Variants in C12orf75 observed in about 807,000 individuals in gnomAD.
C12orf75 encodes overexpressed in colon carcinoma 1 protein.
A neutral mutation model predicts 11.4 loss-of-function variants in C12orf75; 4 were observed. The observed-to-expected ratio is 0.35, with a 90% CI of 0.17 to 0.80. C12orf75 has a LOEUF of 0.80. Ranked by LOEUF, C12orf75 falls within the 30% of genes least tolerant of loss-of-function variation. The pLI, the probability that C12orf75 is intolerant of heterozygous loss-of-function variation, is 0.52. For missense variants in C12orf75, 89 were observed against 80.4 expected (o/e 1.11, Z -0.41); for synonymous variants, 30 against 30.0 (o/e 1.00, Z 0.00).
chr12:105,351,835 G>A (rs1764563752), intron 2 of C12orf75, among the ~76,000 whole-genome samples: 1 of 152,178 alleles, frequency 6.6e-6, no homozygotes, highest in South Asian at 2.1e-4. Flanking sequence ...TGGGTGCAAG[G>A]CCAATAATCG....
chr12:105,356,791 T>G (rs1892787467), intron 2 of C12orf75, among the ~76,000 whole-genome samples: 1 of 152,228 alleles, frequency 6.6e-6, no homozygotes, highest in African/African-American at 2.4e-5. Context: ...ATGAAAGATT[T>G]TGACTACCAT....
At chr12:105,345,960 G>A (rs1173612030) in intron 1 of C12orf75, among the ~76,000 whole-genome samples, 1 of 151,910 alleles carries the variant, frequency 6.6e-6, no homozygotes, top group Admixed American at 6.6e-5. Context: ...CACCGTGCCC[G>A]GCCTAGCACT....
chr12:105,369,024 C>T lies in C12orf75; in HGVS notation c.*33+1515C>T, dbSNP rs115108360. 8.7e-3 allele frequency among the ~76,000 whole-genome samples: 1,318 copies of T among 152,184 alleles called. 25 individuals carry two copies. The highest frequency in any genetic ancestry group is 0.03 in the African/African-American group (1,254 of 41,512). ...TCAAATAGAAAAGATAAGTTGAAACCAAGAATATACTGCTGTTTACCCTCC... is the reference window on the plus strand; with the variant it reads ...TCAAATAGAAAAGATAAGTTGAAACTAAGAATATACTGCTGTTTACCCTCC... On this transcript the variant is annotated intron_variant, in intron 5 of 5. Transcript: ENST00000443585.
At chr12:105,332,636 C>T (rs1566134398) in intron 1 of C12orf75, among the ~76,000 whole-genome samples, 1 of 151,430 alleles carries the variant, frequency 6.6e-6, no homozygotes, top group Non-Finnish European at 1.5e-5. Context: ...GAGGCTGAGG[C>T]ACGAGAATTG....
rs1592886260 is a variant in C12orf75 at position 105,366,771 on chromosome 12, A to G, written c.187+75A>G. ...TTTTATGAAAAAGCATGAAATTTAT[A>G]TTTCAGCTTACTCGACTCAACCTAT... On this transcript the variant is annotated intron_variant, in intron 4 of 5. Transcript: ENST00000443585. 11 of 894,088 alleles carry G rather than the reference A, an allele frequency of 1.2e-5. No individual in the cohort carries two copies. The East Asian group carries it at 2.9e-4, about 24-fold the overall frequency. 55.4% of individuals were successfully genotyped at this position (894,088 alleles called of 1,614,324 possible).
At chr12:105,350,547 G>C (rs554841558) in intron 2 of C12orf75, among the ~76,000 whole-genome samples, 1 of 152,174 alleles carries the variant, frequency 6.6e-6, no homozygotes. Context: ...TATCCTTTGT[G>C]AGAAGTATTT....
intron 1 of C12orf75, among the ~76,000 whole-genome samples, chr12:105,334,435 C>T (rs1452372129): frequency 1.3e-5 from 2 of 152,230 alleles, no homozygotes; most frequent in Non-Finnish European, 2.9e-5. Context: ...AGAAGTCCTC[C>T]TGGAGGAGTT....
chr12:105,354,299 C>T (rs952576298), intron 2 of C12orf75, among the ~76,000 whole-genome samples: 3 of 152,188 alleles, frequency 2.0e-5, no homozygotes, highest in African/African-American at 7.2e-5. Context: ...AATAACTGTG[C>T]AGGGTGATCA....
At chr12:105,338,053 C>T (rs1892518292) in intron 1 of C12orf75, among the ~76,000 whole-genome samples, 1 of 152,180 alleles carries the variant, frequency 6.6e-6, no homozygotes, top group South Asian at 2.1e-4. Context: ...TCAGCAAAGG[C>T]AGTTTTACCA....
intron 1 of C12orf75, among the ~76,000 whole-genome samples, chr12:105,339,699 C>A (rs1892542465): frequency 6.6e-6 from 1 of 152,072 alleles, no homozygotes; most frequent in South Asian, 2.1e-4. Flanking sequence ...TCACTGCAAG[C>A]TCCGCCTGCC....
chr12:105,331,107 C>T (rs1306948169), intron 1 of C12orf75, among the ~76,000 whole-genome samples, 170 bp downstream of exon 1: 1 of 151,910 alleles, frequency 6.6e-6, no homozygotes, highest in Non-Finnish European at 1.5e-5. Flanking sequence ...GCAAGTCCCC[C>T]GCGCGGGGGC....
At chr12:105,360,015 A>G (rs1047450121) in intron 2 of C12orf75, among the ~76,000 whole-genome samples, 1 of 152,134 alleles carries the variant, frequency 6.6e-6, no homozygotes, top group East Asian at 1.9e-4. Flanking sequence ...CCAGCACAGA[A>G]TAATTCAATC....
intron 2 of C12orf75, among the ~76,000 whole-genome samples, chr12:105,365,157 G>A (rs1219151203): frequency 6.6e-6 from 1 of 152,034 alleles, no homozygotes; most frequent in African/African-American, 2.4e-5. Flanking sequence ...TTAATGCAAG[G>A]AGAGAAGCTG....
intron 2 of C12orf75, among the ~76,000 whole-genome samples, chr12:105,360,852 T>A (rs1892853647): frequency 6.6e-6 from 1 of 152,086 alleles, no homozygotes; most frequent in South Asian, 2.1e-4. Context: ...CTCGGCTCAC[T>A]GCAACCTCCG....
chr12:105,364,484 C>G (rs1001878054), intron 2 of C12orf75, among the ~76,000 whole-genome samples: 6 of 152,158 alleles, frequency 3.9e-5, no homozygotes, highest in African/African-American at 1.4e-4. Context: ...ATTATTAAAT[C>G]TACACTTTCC....
intron 1 of C12orf75, among the ~76,000 whole-genome samples, chr12:105,340,777 A>T (rs948692601): frequency 3.3e-5 from 5 of 152,206 alleles, no homozygotes; most frequent in Non-Finnish European, 7.3e-5. Context: ...TTATCTGAGT[A>T]GGCTCTAAAT....
intron 5 of C12orf75, among the ~76,000 whole-genome samples, chr12:105,367,813 C>T (rs1871521653): frequency 6.6e-6 from 1 of 152,020 alleles, no homozygotes; most frequent in Non-Finnish European, 1.5e-5. Context: ...CTTTGAGGGC[C>T]TAGGACTTGA....
chr12:105,358,511 AC>A (rs1043369939), intron 2 of C12orf75, among the ~76,000 whole-genome samples: 6 of 152,182 alleles, frequency 3.9e-5, no homozygotes, highest in African/African-American at 1.4e-4. Context: ...ATGGAGCAAG[AC>A]CCTGTCTCAG....
intron 5 of C12orf75, among the ~76,000 whole-genome samples, chr12:105,368,456 G>C (rs1193984597): frequency 6.6e-6 from 1 of 152,128 alleles, no homozygotes; most frequent in African/African-American, 2.4e-5. Context: ...CCTCAGTTTT[G>C]TTATCTGAAA....
Sources: allele counts gnomAD v4.1 joint callset (sites outside exome capture counted in the v4.1 genomes callset), GRCh38; gene constraint gnomAD v4.1.1; transcripts MANE v1.5; gene names NCBI Gene and HGNC (gene_info 2026-07-23, HGNC 2026-07-21).